CSF3R: variants seen among roughly 807,000 people sequenced by gnomAD.
CSF3R encodes the protein colony stimulating factor 3 receptor.
Under a neutral mutation model 84.4 loss-of-function variants are expected in CSF3R, and 52 were observed. The observed-to-expected ratio is 0.62, with a 90% confidence interval of 0.49 to 0.78. The LOEUF is 0.78. Ranked by LOEUF, CSF3R falls within the 30% of genes least tolerant of loss-of-function variation. The pLI, the probability that CSF3R is intolerant of heterozygous loss-of-function variation, is 0.00. For missense variants in CSF3R, 890 were observed against 1,055.7 expected (o/e 0.84, Z 2.17); for synonymous variants, 384 against 429.1 (o/e 0.89, Z 1.30).
chr1:36,473,432 C>G lies in CSF3R; in HGVS notation c.673+3G>C. The G allele has an allele frequency of 6.2e-7, 1 of 1,613,588 alleles. No homozygotes were observed. Among genetic ancestry groups the G allele is most frequent in the Non-Finnish European group, 8.5e-7 (1 of 1,179,858 alleles). ...GATCCCCTCCCTCCCCTGCATCACC[C>G]ACCAACATCCATGGGATCAAGACAC... On this transcript the variant is annotated splice_donor_region_variant and intron_variant, in intron 6 of 16. Transcript: ENST00000373106.
At chr1:36,469,543 C>CA in intron 11 of CSF3R, 109 bp downstream of exon 11, 1 of 1,304,078 alleles carries the variant, frequency 7.7e-7, no homozygotes, top group Non-Finnish European at 1.1e-6. Context: ...TCAAGAAAGG[C>CA]TGGAGAATCC....
chr1:36,470,989 G>C (rs554329524), intron 10 of CSF3R, among the ~76,000 whole-genome samples: 74 of 152,302 alleles, frequency 4.9e-4, no homozygotes, highest in African/African-American at 1.7e-3. Context: ...CAGAGGCCGG[G>C]GATGGGAGGT....
chr1:36,468,418 C>T, intron 12 of CSF3R, 197 bp from the exon 13 acceptor site: 1 of 534,450 alleles, frequency 1.9e-6, no homozygotes, highest in South Asian at 3.3e-5. Context: ...AGGATTTGAA[C>T]CTGGCTCTGC....
chr1:36,482,094 G>A (rs1651556135), intron 1 of CSF3R: 1 of 152,546 alleles, frequency 6.6e-6, no homozygotes, highest in Non-Finnish European at 1.5e-5. Context: ...AGGGAGGAGG[G>A]GGCTGGGAAT....
At chr1:36,477,775 T>G (rs897398065) in intron 3 of CSF3R, 1 of 151,938 alleles carries the variant, frequency 6.6e-6, no homozygotes, top group Non-Finnish European at 1.5e-5. Context: ...TCTTTTTTTT[T>G]TTTGAGACGG....
intron 1 of CSF3R, among the ~76,000 whole-genome samples, chr1:36,482,595 C>T (rs2124163604): frequency 6.6e-6 from 1 of 152,234 alleles, no homozygotes; most frequent in Middle Eastern, 3.4e-3. Flanking sequence ...AGATACTTGG[C>T]TGTGAGTGAC....
At chr1:36,478,891 CAG>C (rs1651347568) in intron 3 of CSF3R, 1 of 209,190 alleles carries the variant, frequency 4.8e-6, no homozygotes, top group South Asian at 7.4e-5. Flanking sequence ...AAACAAGGAA[CAG>C]AGACAGTATG....
Position 36,472,546 on chromosome 1 carries a change from G to T in CSF3R, c.814C>A (p.Pro272Thr). Reference sequence around the variant, plus strand: ...GCCCAGCTGGCTTCTCCACGCTGCGGCTTGTGGCGCAGCTCACACTTCTGA... The same window carrying T: ...GCCCAGCTGGCTTCTCCACGCTGCGTCTTGTGGCGCAGCTCACACTTCTGA... ...INQKCELRHK[P>T]QRGEASWALV... The change falls in exon 7 of 17, where the codon CCG becomes ACG. Residue 272 changes from proline (P) to threonine (T), a missense_variant. Coordinates refer to ENST00000373106, the MANE Select transcript of CSF3R (RefSeq NM_000760.4). This position sits in a 1 kb window ranked among gnomAD's most constrained non-coding sequence, Gnocchi z 5.0. The T allele has an allele frequency of 6.2e-7, 1 of 1,614,204 alleles. No homozygotes were observed. The highest frequency in any genetic ancestry group is 8.5e-7 in the Non-Finnish European group (1 of 1,180,038).
At chr1:36,481,722 TC>T (rs1404418932) in intron 1 of CSF3R, 185 bp from the exon 2 acceptor site, 1 of 152,530 alleles carries the variant, frequency 6.6e-6, no homozygotes, top group Non-Finnish European at 1.5e-5. Flanking sequence ...AGTTCAGTTT[TC>T]CCCTCACCCC....
At chr1:36,473,359 A>C in intron 6 of CSF3R, 76 bp downstream of exon 6, 1 of 1,521,316 alleles carries the variant, frequency 6.6e-7, no homozygotes, top group Non-Finnish European at 9.1e-7. Context: ...GTCTGTCGCT[A>C]GTTCTGTGTT....
chr1:36,479,531 GTTGTTTAAGACCATGGGCT>G lies in CSF3R; in HGVS notation c.-20-34_-20-16del. The G allele has an allele frequency of 6.3e-7, 1 of 1,596,784 alleles. No individual in the cohort carries two copies. Among genetic ancestry groups the G allele is most frequent in the East Asian group, 2.2e-5 (1 of 44,786 alleles). On this transcript the variant is annotated splice_polypyrimidine_tract_variant and intron_variant, in intron 2 of 16. Coordinates refer to ENST00000373106, the MANE Select transcript of CSF3R (RefSeq NM_000760.4). ...TTGATGTTCACCTGTAGGCAGAAGGGTTGTTTAAGACCATGGGCTTTGGAGTCAGAGCTGATCTTAATCC... is the reference window on the plus strand; with the variant it reads ...TTGATGTTCACCTGTAGGCAGAAGGGTTGGAGTCAGAGCTGATCTTAATCC...
chr1:36,469,603 C>T, intron 11 of CSF3R, 49 bp downstream of exon 11: 1 of 1,606,752 alleles, frequency 6.2e-7, no homozygotes, highest in Non-Finnish European at 8.5e-7. Flanking sequence ...CAGATAAGCA[C>T]TGCCTCCCTT....
At chr1:36,476,046 C>T in intron 3 of CSF3R, 1 of 210,556 alleles carries the variant, frequency 4.7e-6, no homozygotes, top group Non-Finnish European at 9.8e-6. Context: ...ACCAGCACAC[C>T]ACCAGATGGA....
In CSF3R at chr1:36,472,426, T is replaced by A; in HGVS notation, c.844-35A>T. 6.2e-7 allele frequency: 1 copy of A among 1,613,802 alleles called. No individual in the cohort carries two copies. ...GGTGGACAGGACTCTGAGCCTTGGA[T>A]CGCTGGGCCATTCTAGGGCCAGCTC... On this transcript the variant is annotated intron_variant, in intron 7 of 16. Transcript: ENST00000373106. This position sits in a 1 kb window ranked among gnomAD's most constrained non-coding sequence, Gnocchi z 5.0.
Position 36,466,570 on chromosome 1 carries a change from G to C in CSF3R, c.2298C>G (p.His766Gln). ...GCTGAGTGGAGTCACAGCGGAGATA[G>C]TGCCCTGGCCCTGGGCTTGTGGGGC... Reference protein sequence around the residue: ...LGSPTSPGPGHYLRCDSTQPL... With the variant: ...LGSPTSPGPGQYLRCDSTQPL... Residue 766 changes from histidine (H) to glutamine (Q), a missense_variant, in exon 17 of 17, where the codon CAC becomes CAG. Transcript: ENST00000373106. This position sits in a 1 kb window ranked among gnomAD's most constrained non-coding sequence, Gnocchi z 4.6. 1 of 1,610,794 alleles carries C rather than the reference G, an allele frequency of 6.2e-7. No homozygotes were observed. Among genetic ancestry groups the C allele is most frequent in the Non-Finnish European group, 8.5e-7 (1 of 1,177,712 alleles).
chr1:36,474,390 CTTTT>C lies in CSF3R; in HGVS notation c.362-507_362-504del, dbSNP rs911099378. The stretch of plus-strand genomic sequence containing the variant: ...GTGTTAGCAGTGGCCATTACTGGTG[CTTTT>C]TTTTTTTTTTTTTTTTTTTTTGAGA... On this transcript the variant is annotated intron_variant, in intron 4 of 16. Transcript: ENST00000373106. Among the ~76,000 whole-genome samples, 69 of 86,264 alleles carry C rather than the reference CTTTT, an allele frequency of 8.0e-4. 1 individual carries two copies. In the East Asian group the frequency reaches 0.016, roughly 20 times the overall value. 56.6% of individuals were successfully genotyped at this position (86,264 alleles called of 152,430 possible).
At position 36,472,925 on chromosome 1, in the gene CSF3R, G is replaced by A. The variant is rs1570589907; in HGVS notation, c.674-239C>T. ...AATGTTTTCCCTCCAGATATCCAGC[G>A]GCTTGCTCCCTCATTTCCTTCAAGG... On this transcript the variant is annotated intron_variant, in intron 6 of 16. Coordinates refer to ENST00000373106, the MANE Select transcript of CSF3R (RefSeq NM_000760.4). The surrounding 1 kb of genome is among the most constrained non-coding windows in gnomAD (Gnocchi z 5.0). The A allele has an allele frequency of 5.6e-6, 3 of 537,364 alleles. No homozygotes were observed. Among genetic ancestry groups the A allele is most frequent in the Admixed American group, 3.8e-5 (1 of 26,646 alleles). 33.3% of individuals were successfully genotyped at this position (537,364 alleles called of 1,614,324 possible). A position where few individuals can be genotyped will look rare whatever the true frequency, so the allele number is the denominator to read the frequency against.
rs1266766786 is a variant in CSF3R, at chr1:36,469,736, C to A, written c.1390G>T (p.Gly464Cys). The change falls in exon 11 of 17, where the codon GGC becomes TGC. Residue 464 changes from glycine (G) to cysteine (C), a missense_variant. Coordinates refer to ENST00000373106, the MANE Select transcript of CSF3R (RefSeq NM_000760.4). The stretch of plus-strand genomic sequence containing the variant: ...TTGCTCGCGCTGGGGGGGCCCAGGC[C>A]CCACTCAATCACATAGCCCTGAGGC... ...PWPQGYVIEW[G>C]LGPPSASNSN... The A allele has an allele frequency of 1.2e-6, 2 of 1,614,088 alleles. No individual in the cohort carries two copies. Among genetic ancestry groups the A allele is most frequent in the Non-Finnish European group, 1.7e-6 (2 of 1,180,062 alleles).
Position 36,467,107 on chromosome 1 carries a change from C to T in CSF3R, c.2040+123G>A. On this transcript the variant is annotated intron_variant, in intron 16 of 16. Coordinates refer to ENST00000373106, the MANE Select transcript of CSF3R (RefSeq NM_000760.4). This position sits in a 1 kb window ranked among gnomAD's most constrained non-coding sequence, Gnocchi z 4.1. ...ATTCAAAGTTGGGTCTGCTTCAGTC[C>T]AAAGGGACGAGATGTTGCCGGAAGT... 1 of 1,304,210 alleles carries T rather than the reference C, an allele frequency of 7.7e-7. No homozygotes were observed. The highest frequency in any genetic ancestry group is 1.1e-6 in the Non-Finnish European group (1 of 910,146). 80.8% of individuals were successfully genotyped at this position (1,304,210 alleles called of 1,614,324 possible).
Sources: allele counts gnomAD v4.1 joint callset (sites outside exome capture counted in the v4.1 genomes callset), GRCh38; gene constraint gnomAD v4.1.1; non-coding constraint Gnocchi (gnomAD v3.1); transcripts MANE v1.5; gene names NCBI Gene and HGNC (gene_info 2026-07-23, HGNC 2026-07-21).